Variants in PDE10A observed in about 807,000 individuals in gnomAD.
PDE10A encodes the protein cAMP and cAMP-inhibited cGMP 3',5'-cyclic phosphodiesterase 10A.
Under a neutral mutation model 97.7 loss-of-function variants are expected in PDE10A, and 39 were observed. That is an observed-to-expected ratio of 0.40 (90% CI 0.31 to 0.52). PDE10A has a LOEUF of 0.52. PDE10A is among the 20% of genes least tolerant of loss of function. The pLI is 0.56. For synonymous variants in PDE10A, 371 were observed against 376.8 expected (o/e 0.98, Z 0.18); for missense variants, 731 against 1,047.8 (o/e 0.70, Z 4.17).
chr6:165,936,097 A>G lies in PDE10A; in HGVS notation c.-615+51432T>C, dbSNP rs529925488. On this transcript the variant is annotated intron_variant, in intron 1 of 19. Coordinates refer to the PDE10A transcript ENST00000366882. ...TTGGATGATGGTAATAACTTTAATA[A>G]TGAGGGAAAGAAGCAGATGGGTCAG... is the stretch of plus-strand genomic sequence containing the variant. Among the ~76,000 whole-genome samples, 8 of 152,348 alleles carry G rather than the reference A, an allele frequency of 5.3e-5. No homozygotes were observed. The East Asian group carries it at 1.5e-3, about 29-fold the overall frequency.
chr6:165,654,092 T>C (rs1233146238), intron 1 of PDE10A, among the ~76,000 whole-genome samples: 1 of 152,230 alleles, frequency 6.6e-6, no homozygotes, highest in African/African-American at 2.4e-5. Flanking sequence ...AGTATCTGAA[T>C]TGTGCATACC....
intron 1 of PDE10A, among the ~76,000 whole-genome samples, chr6:165,823,482 T>TTATATATATATATA (rs748139541): frequency 1.9e-4 from 7 of 37,472 alleles, no homozygotes; most frequent in African/African-American, 3.1e-4. Context: ...ATAGTTAACT[T>TTATATATATATATA]TATATATATA....
chr6:165,732,334 GA>G (rs1293922375), intron 1 of PDE10A, among the ~76,000 whole-genome samples: 1 of 152,164 alleles, frequency 6.6e-6, no homozygotes, highest in Non-Finnish European at 1.5e-5. Context: ...GTCAGGGCTG[GA>G]AGCTGACCTG....
At chr6:165,577,442 T>G (rs1436690814) in intron 1 of PDE10A, among the ~76,000 whole-genome samples, 1 of 152,108 alleles carries the variant, frequency 6.6e-6, no homozygotes, top group African/African-American at 2.4e-5. Context: ...CTCTGGGAAG[T>G]CTTCTAGGGC....
intron 2 of PDE10A, among the ~76,000 whole-genome samples, chr6:165,500,816 T>G (rs1403047965): frequency 1.3e-5 from 2 of 152,036 alleles, no homozygotes; most frequent in East Asian, 3.9e-4. Flanking sequence ...CCCGATTGTA[T>G]GTTCTATTTA....
chr6:165,420,414 A>G (rs977782492), intron 10 of PDE10A, among the ~76,000 whole-genome samples: 3 of 152,170 alleles, frequency 2.0e-5, no homozygotes, highest in Admixed American at 6.5e-5. Context: ...CTCAATAAAT[A>G]TTTGAGGAAA....
At chr6:165,405,395 T>C (rs982210242) in intron 13 of PDE10A, among the ~76,000 whole-genome samples, 1 of 152,220 alleles carries the variant, frequency 6.6e-6, no homozygotes, top group African/African-American at 2.4e-5. Flanking sequence ...AAACCAGCTA[T>C]ATATTTAACA....
At chr6:165,803,210 C>T (rs967093054) in intron 1 of PDE10A, among the ~76,000 whole-genome samples, 17 of 152,164 alleles carry the variant, frequency 1.1e-4, no homozygotes, top group African/African-American at 2.4e-5. Context: ...TGTACCCTTC[C>T]CAAATTCACC....
At chr6:165,534,798 C>T (rs1323276276) in intron 2 of PDE10A, among the ~76,000 whole-genome samples, 2 of 151,856 alleles carry the variant, frequency 1.3e-5, no homozygotes, top group Non-Finnish European at 2.9e-5. Flanking sequence ...AAACATACCT[C>T]AAAACAATAA....
intron 1 of PDE10A, among the ~76,000 whole-genome samples, chr6:165,682,557 C>T (rs1330433464): frequency 5.9e-5 from 9 of 152,194 alleles, no homozygotes; most frequent in East Asian, 1.9e-4. Flanking sequence ...CATAAAGAGA[C>T]GCCAGAGGCC....
intron 1 of PDE10A, among the ~76,000 whole-genome samples, chr6:165,641,590 G>T (rs975060461): frequency 6.6e-6 from 1 of 152,212 alleles, no homozygotes; most frequent in African/African-American, 2.4e-5. Flanking sequence ...CAGTCAGAGC[G>T]GGCACTGGCC....
chr6:165,518,984 A>T (rs1449919838), intron 2 of PDE10A, among the ~76,000 whole-genome samples: 7 of 152,206 alleles, frequency 4.6e-5, no homozygotes, highest in African/African-American at 1.7e-4. Flanking sequence ...CAGGGAAACT[A>T]CTGTACTTAC....
chr6:165,950,678 A>G (rs1043988610), intron 1 of PDE10A, among the ~76,000 whole-genome samples: 1 of 152,176 alleles, frequency 6.6e-6, no homozygotes, highest in Non-Finnish European at 1.5e-5. Flanking sequence ...CTGCCAGCCC[A>G]GGAGTGGGTA....
intron 18 of PDE10A, among the ~76,000 whole-genome samples, chr6:165,360,450 A>G (rs974084468): frequency 6.6e-6 from 1 of 152,186 alleles, no homozygotes; most frequent in Non-Finnish European, 1.5e-5. Context: ...GTAGGAGTTC[A>G]TATGTTTCAC....
chr6:165,721,695 T>C (rs1246235139), intron 1 of PDE10A, among the ~76,000 whole-genome samples: 2 of 152,268 alleles, frequency 1.3e-5, no homozygotes, highest in Non-Finnish European at 2.9e-5. Context: ...GAGATCTTTA[T>C]GCCTCTGCAC....
In PDE10A at chr6:165,480,874, CA is replaced by C. The variant is rs979124971; in HGVS notation, c.1023+1440del. Reference sequence around the variant, plus strand: ...GATCAAGATACGGGGTACGTTTTTTCAAAAAAACGTTATAGAGATCTTGGCA... The same window carrying C: ...GATCAAGATACGGGGTACGTTTTTTCAAAAAACGTTATAGAGATCTTGGCA... On this transcript the variant is annotated intron_variant, in intron 3 of 21. Transcript: ENST00000539869. Among the ~76,000 whole-genome samples the C allele has an allele frequency of 2.5e-4, 38 of 151,856 alleles. 1 individual carries two copies. Among genetic ancestry groups the C allele is most frequent in the South Asian group, 1.7e-3 (8 of 4,828 alleles).
intron 2 of PDE10A, among the ~76,000 whole-genome samples, chr6:165,492,257 T>C (rs146048587): frequency 1.3e-5 from 2 of 152,296 alleles, no homozygotes; most frequent in Non-Finnish European, 2.9e-5. Context: ...AATGGATTCA[T>C]GGCTGAATTC....
intron 1 of PDE10A, among the ~76,000 whole-genome samples, chr6:165,707,838 T>A (rs1791757599): frequency 1.3e-5 from 2 of 152,036 alleles, no homozygotes; most frequent in South Asian, 4.2e-4. Context: ...CTTTAGGGGA[T>A]CTTGAATACA....
At chr6:165,582,293 A>G (rs918375502) in intron 1 of PDE10A, among the ~76,000 whole-genome samples, 1 of 152,320 alleles carries the variant, frequency 6.6e-6, no homozygotes, top group South Asian at 2.1e-4. Context: ...TAATGAGGTA[A>G]GTGGAAATAC....
Sources: allele counts gnomAD v4.1 joint callset (sites outside exome capture counted in the v4.1 genomes callset), GRCh38; gene constraint gnomAD v4.1.1; transcripts MANE v1.5; gene names NCBI Gene and HGNC (gene_info 2026-07-23, HGNC 2026-07-21).